The following TRIO variants were observed in gnomAD, a reference collection of about 807,000 sequenced individuals.
The protein encoded by TRIO is trio Rho guanine nucleotide exchange factor, also known as triple functional domain protein.
In TRIO, 58 loss-of-function variants were observed where a neutral mutation model predicts 351.9. The ratio of observed to expected loss-of-function variants is 0.16; its 90% CI spans 0.13 to 0.21. The LOEUF (loss-of-function observed/expected upper bound fraction) is 0.21, where lower values mean the gene tolerates loss of function less well. TRIO is among the 10% of genes least tolerant of loss of function. The probability of loss-of-function intolerance (pLI) is 1.00; values close to 1 mark genes in which losing one functional copy is unlikely to be tolerated. For missense variants in TRIO, 3,201 were observed against 4,027.8 expected, an observed-to-expected ratio of 0.79 and a Z score of 5.56; for synonymous variants, 1,758 against 1,595.7, an observed-to-expected ratio of 1.10 and a Z score of -2.42.
At chr5:14,212,695 A>C (rs1791982596) in intron 1 of TRIO, among the ~76,000 whole-genome samples, 1 of 152,194 alleles carries the variant, frequency 6.6e-6, no homozygotes. Flanking sequence ...AACAAAGCAA[A>C]TTACCCTATC....
chr5:14,378,243 C>T (rs1745741665), intron 20 of TRIO, 116 bp downstream of exon 20: 2 of 712,136 alleles, frequency 2.8e-6, no homozygotes, highest in African/African-American at 1.8e-5. Context: ...TAATGACAAA[C>T]AGTATAGCCT....
At chr5:14,144,411 C>G (rs146408713) in intron 1 of TRIO, among the ~76,000 whole-genome samples, 22 of 152,352 alleles carry the variant, frequency 1.4e-4, no homozygotes, top group African/African-American at 5.3e-4. Context: ...GCTTGGCCCT[C>G]TAGCCTGTCA....
intron 48 of TRIO, among the ~76,000 whole-genome samples, chr5:14,489,808 C>T (rs776754144): frequency 3.9e-5 from 6 of 152,194 alleles, no homozygotes; most frequent in Non-Finnish European, 5.9e-5. Flanking sequence ...CGTGTTCCCG[C>T]GAGCTTTAGG....
At chr5:14,313,785 A>G (rs916550179) in intron 8 of TRIO, among the ~76,000 whole-genome samples, 2 of 152,234 alleles carry the variant, frequency 1.3e-5, no homozygotes, top group African/African-American at 4.8e-5. Context: ...AGGAGGAGGA[A>G]GGGACAAGGG....
intron 34 of TRIO, among the ~76,000 whole-genome samples, chr5:14,452,241 A>G (rs1054999047): frequency 1.3e-5 from 2 of 152,196 alleles, no homozygotes; most frequent in Non-Finnish European, 2.9e-5. Flanking sequence ...GCTTGTCCTT[A>G]GATTCGTCGT....
chr5:14,218,732 G>T (rs958787288), intron 1 of TRIO, among the ~76,000 whole-genome samples: 1 of 152,198 alleles, frequency 6.6e-6, no homozygotes, highest in Non-Finnish European at 1.5e-5. Context: ...GTGCAGCCAG[G>T]GCTATACCCG....
At chr5:14,369,306 G>C in intron 17 of TRIO, 68 bp from the exon 18 acceptor site, 2 of 1,526,184 alleles carry the variant, frequency 1.3e-6, no homozygotes, top group Non-Finnish European at 1.8e-6. Flanking sequence ...GACTGAAAGG[G>C]CTTTCCAGGG....
At chr5:14,174,030 AT>A (rs1789262333) in intron 1 of TRIO, among the ~76,000 whole-genome samples, 1 of 152,248 alleles carries the variant, frequency 6.6e-6, no homozygotes, top group Non-Finnish European at 1.5e-5. Flanking sequence ...AGACAGAGAA[AT>A]ATGTCTGCTG....
intron 1 of TRIO, among the ~76,000 whole-genome samples, chr5:14,177,095 G>A (rs1490347010): frequency 6.6e-6 from 1 of 152,152 alleles, no homozygotes; most frequent in Non-Finnish European, 1.5e-5. Flanking sequence ...CCTGAGGTTT[G>A]AGCGCCCAGG....
chr5:14,387,897 A>G, intron 23 of TRIO, 50 bp downstream of exon 23: 1 of 1,579,548 alleles, frequency 6.3e-7, no homozygotes, highest in Non-Finnish European at 8.7e-7. Context: ...AAGTGAAGAG[A>G]ATGTCATTTG....
chr5:14,345,518 G>T (rs756921954), intron 11 of TRIO, among the ~76,000 whole-genome samples: 1 of 152,238 alleles, frequency 6.6e-6, no homozygotes, highest in Non-Finnish European at 1.5e-5. Flanking sequence ...AAGAGATGAA[G>T]TGTTAAGGCC....
chr5:14,229,733 T>C (rs1435252700), intron 1 of TRIO, among the ~76,000 whole-genome samples: 2 of 152,188 alleles, frequency 1.3e-5, no homozygotes, highest in African/African-American at 4.8e-5. Context: ...TCCTGAAGTG[T>C]GATTAACACA....
rs1451340768 is a variant in TRIO at position 14,286,204 on chromosome 5, C to CT, written c.348-665dup. 6.6e-6 allele frequency among the ~76,000 whole-genome samples: 1 copy of CT among 151,988 alleles called. No homozygotes were observed. The highest frequency in any genetic ancestry group is 1.5e-5 in the Non-Finnish European group (1 of 68,014). On this transcript the variant is annotated intron_variant, in intron 3 of 56. Transcript: ENST00000344204. The surrounding 1 kb of genome is among the most constrained non-coding windows in gnomAD (Gnocchi z 4.4). The stretch of plus-strand genomic sequence containing the variant: ...AGCCAGCGTTGCTACCACATAAAGG[C>CT]TTAGTACAGTTGTGGAACTAGATTA...
At chr5:14,331,879 A>T (rs1037639983) in intron 10 of TRIO, among the ~76,000 whole-genome samples, 2 of 152,228 alleles carry the variant, frequency 1.3e-5, no homozygotes, top group Non-Finnish European at 2.9e-5. Context: ...TGTGGTGTGA[A>T]TAGCCATCGT....
At position 14,497,977 on chromosome 5, in the gene TRIO, C is replaced by T. The variant is rs767591366; in HGVS notation, c.8047+103C>T. The T allele has an allele frequency of 6.5e-5, 105 of 1,607,830 alleles. No individual in the cohort carries two copies. Among genetic ancestry groups the T allele is most frequent in the Middle Eastern group, 5.0e-4 (3 of 6,050 alleles). The stretch of plus-strand genomic sequence containing the variant: ...GCCTCTGGAAATGAGTTTTCCGTGG[C>T]GCTCTAGGCGTGCATAGCAGGTTAG... On this transcript the variant is annotated intron_variant, in intron 51 of 56. Coordinates refer to ENST00000344204, the MANE Select transcript of TRIO (RefSeq NM_007118.4). This position sits in a 1 kb window ranked among gnomAD's most constrained non-coding sequence, Gnocchi z 4.4.
intron 1 of TRIO, among the ~76,000 whole-genome samples, chr5:14,211,092 TCA>T (rs1791859948): frequency 6.6e-6 from 1 of 152,204 alleles, no homozygotes; most frequent in African/African-American, 2.4e-5. Context: ...ATAATAAAAG[TCA>T]CATTATTTTT....
In TRIO at chr5:14,343,950, A is replaced by G. The variant is rs572822809; in HGVS notation, c.2046+7223A>G. Among the ~76,000 whole-genome samples the G allele has an allele frequency of 3.3e-5, 5 of 152,352 alleles. 1 individual carries two copies. The highest frequency in any genetic ancestry group is 2.1e-4 in the South Asian group (1 of 4,826). On this transcript the variant is annotated intron_variant, in intron 11 of 56. Coordinates refer to ENST00000344204, the MANE Select transcript of TRIO (RefSeq NM_007118.4). ...AGTCCAGGATTGCTTTAAGCTTGTC[A>G]GTGAGAATGGTTAAAATCCAGTATG...
At position 14,217,207 on chromosome 5, in the gene TRIO, C is replaced by T. The variant is rs148468436; in HGVS notation, c.158-53618C>T. On this transcript the variant is annotated intron_variant, in intron 1 of 56. Coordinates refer to ENST00000344204, the MANE Select transcript of TRIO (RefSeq NM_007118.4). ...GCCAGGAATGAACAAAACAACAGAACCTACAGTGTCCTGAGAGCCACTGTA... is the reference window on the plus strand; with the variant it reads ...GCCAGGAATGAACAAAACAACAGAATCTACAGTGTCCTGAGAGCCACTGTA... 5.6e-3 allele frequency among the ~76,000 whole-genome samples: 853 copies of T among 152,284 alleles called. 2 individuals are homozygous for T. The highest frequency in any genetic ancestry group is 0.014 in the Middle Eastern group (4 of 294).
intron 1 of TRIO, among the ~76,000 whole-genome samples, chr5:14,266,986 G>A (rs1795719148): frequency 6.6e-6 from 1 of 152,120 alleles, no homozygotes; most frequent in Admixed American, 6.5e-5. Flanking sequence ...TTTCATTAGA[G>A]TCCATAATGG....
Sources: gnomAD v4.1 joint callset for allele counts (sites outside exome capture counted in the v4.1 genomes callset) on GRCh38, gnomAD v4.1.1 for gene constraint, Gnocchi (gnomAD v3.1) non-coding constraint, MANE v1.5 for transcripts, NCBI Gene and HGNC (gene_info 2026-07-23, HGNC 2026-07-21) for gene names.